The following SSH2 variants were observed in gnomAD, a reference collection of about 807,000 sequenced individuals.
SSH2 encodes slingshot protein phosphatase 2.
Under a neutral mutation model 135.2 loss-of-function variants are expected in SSH2, and 37 were observed. That is an observed-to-expected ratio of 0.27 (90% CI 0.21 to 0.36). SSH2 has a LOEUF of 0.36. Among genes scored for constraint, SSH2 ranks in the 10% least tolerant of loss-of-function variants. The pLI is 1.00. For synonymous variants in SSH2, 628 were observed against 646.2 expected, an observed-to-expected ratio of 0.97 and a Z score of 0.43; for missense variants, 1,408 against 1,765.3, an observed-to-expected ratio of 0.80 and a Z score of 3.63.
intron 1 of SSH2, among the ~76,000 whole-genome samples, chr17:29,909,050 C>T (rs2066715198): frequency 6.6e-6 from 1 of 151,796 alleles, no homozygotes; most frequent in African/African-American, 2.4e-5. Flanking sequence ...GCACTCCAGC[C>T]TGGGTGACAG....
intron 3 of SSH2, among the ~76,000 whole-genome samples, chr17:29,705,630 TC>T (rs2039167494): frequency 6.6e-6 from 1 of 152,122 alleles, no homozygotes; most frequent in Admixed American, 6.6e-5. Flanking sequence ...AAAAAACCAG[TC>T]TTTAGCTTGG....
At chr17:29,814,231 C>T (rs1274469244) in intron 2 of SSH2, among the ~76,000 whole-genome samples, 11 of 145,558 alleles carry the variant, frequency 7.6e-5, no homozygotes, top group Non-Finnish European at 1.2e-4. Flanking sequence ...GTCAGGAGTT[C>T]GAGACCGTCC....
At chr17:29,761,878 TATA>T (rs1233048382) in intron 3 of SSH2, among the ~76,000 whole-genome samples, 21 of 139,212 alleles carry the variant, frequency 1.5e-4, no homozygotes, top group African/African-American at 3.2e-4. Context: ...TGTGTATATA[TATA>T]TATATATTTT....
At chr17:29,651,541 T>C (rs2036578347) in intron 12 of SSH2, among the ~76,000 whole-genome samples, 1 of 152,224 alleles carries the variant, frequency 6.6e-6, no homozygotes, top group Non-Finnish European at 1.5e-5. Context: ...TTGAGCTCCA[T>C]TTACCAAATA....
chr17:29,664,209 T>TA (rs961958673), intron 11 of SSH2, among the ~76,000 whole-genome samples: 1 of 152,028 alleles, frequency 6.6e-6, no homozygotes, highest in African/African-American at 2.4e-5. Flanking sequence ...CCGTCTCTAC[T>TA]AAAAACACAA....
At position 29,688,438 on chromosome 17, in the gene SSH2, T is replaced by C. The variant is rs116092821; in HGVS notation, c.358-3754A>G. 3.8e-3 allele frequency among the ~76,000 whole-genome samples: 578 copies of C among 152,306 alleles called. 4 individuals are homozygous for C. Among genetic ancestry groups the C allele is most frequent in the African/African-American group, 0.013 (539 of 41,564 alleles). On this transcript the variant is annotated intron_variant, in intron 5 of 15. Transcript: ENST00000540801. ...GGGCCCCAGACATTTAATACTGACT[T>C]AGGCTTGAATAACATGCATATCTCA... is the stretch of plus-strand genomic sequence containing the variant.
intron 1 of SSH2, chr17:29,929,175 G>A (rs934450206): frequency 6.6e-6 from 1 of 152,166 alleles, no homozygotes; most frequent in African/African-American, 2.4e-5. Flanking sequence ...TGCTTTATTG[G>A]CATAGGCATC....
At chr17:29,665,140 AAC>A (rs2037218894) in intron 11 of SSH2, among the ~76,000 whole-genome samples, 1 of 152,310 alleles carries the variant, frequency 6.6e-6, no homozygotes, top group East Asian at 1.9e-4. Context: ...TTCTATAGAT[AAC>A]ACAAAGATTC....
At chr17:29,820,378 C>G (rs1433394898) in intron 2 of SSH2, among the ~76,000 whole-genome samples, 2 of 152,220 alleles carry the variant, frequency 1.3e-5, no homozygotes, top group African/African-American at 4.8e-5. Context: ...ACCACAGGAA[C>G]ATGGGACATG....
chr17:29,754,511 T>C lies in SSH2; in HGVS notation c.188+39383A>G, dbSNP rs545572596. Reference sequence around the variant, plus strand: ...ATGTGCTTCTAGGAAGTCAAGTTCATATATGAACCAAGTAAATAAATAAAA... The same window carrying C: ...ATGTGCTTCTAGGAAGTCAAGTTCACATATGAACCAAGTAAATAAATAAAA... On this transcript the variant is annotated intron_variant, in intron 3 of 15. Coordinates refer to ENST00000540801, the MANE Select transcript of SSH2 (RefSeq NM_001282129.2). Among the ~76,000 whole-genome samples the C allele has an allele frequency of 3.3e-5, 5 of 152,278 alleles. No homozygotes were observed. The East Asian group carries it at 9.6e-4, about 29-fold the overall frequency.
intron 8 of SSH2, chr17:29,676,581 C>T: frequency 2.2e-6 from 1 of 457,032 alleles, no homozygotes; most frequent in Non-Finnish European, 4.0e-6. Context: ...TAAGTCTCTG[C>T]CAGAGCCTAA....
intron 1 of SSH2, 145 bp downstream of exon 1, chr17:29,929,793 G>C (rs541848058): frequency 1.9e-5 from 13 of 700,944 alleles, no homozygotes; most frequent in Admixed American, 7.7e-5. Flanking sequence ...CTTTAACATG[G>C]GGGTGTGGGG....
chr17:29,925,253 G>A (rs894940388), intron 1 of SSH2: 1 of 341,026 alleles, frequency 2.9e-6, no homozygotes, highest in Non-Finnish European at 5.2e-6. Context: ...TTTAACCCTG[G>A]ATCAATATAG....
At chr17:29,749,888 G>A (rs2040875259) in intron 3 of SSH2, among the ~76,000 whole-genome samples, 1 of 151,792 alleles carries the variant, frequency 6.6e-6, no homozygotes, top group Non-Finnish European at 1.5e-5. Flanking sequence ...CACCACGCCC[G>A]ATTAATTTTT....
chr17:29,898,510 A>G (rs1204373615), intron 1 of SSH2, among the ~76,000 whole-genome samples: 1 of 152,224 alleles, frequency 6.6e-6, no homozygotes, highest in African/African-American at 2.4e-5. Flanking sequence ...ACCTCTACGC[A>G]AATAAACTTG....
intron 1 of SSH2, among the ~76,000 whole-genome samples, chr17:29,917,879 T>A (rs1246905508): frequency 1.3e-5 from 2 of 151,736 alleles, no homozygotes; most frequent in African/African-American, 2.4e-5. Context: ...AAATAAATTT[T>A]AAAAATAGAC....
rs780981175 is a variant in SSH2 at position 29,709,015 on chromosome 17, T to TATAGAGAGAG, written c.189-5954_189-5953insCTCTCTCTAT. 2.6e-3 allele frequency among the ~76,000 whole-genome samples: 211 copies of TATAGAGAGAG among 81,578 alleles called. 2 individuals are homozygous for TATAGAGAGAG. The highest frequency in any genetic ancestry group is 9.1e-3 in the Middle Eastern group (1 of 110). The allele number at this position is 81,578 out of a possible 152,430, so 53.5% of individuals were successfully genotyped here. A position where few individuals can be genotyped will look rare whatever the true frequency, so the allele number is the denominator to read the frequency against. ...AGAAATATATATATATATATATATA[T>TATAGAGAGAG]AGAGAGAGAGAGAGAGAGAGAGAGA... On this transcript the variant is annotated intron_variant, in intron 3 of 15. Transcript: ENST00000540801.
chr17:29,743,801 A>AT (rs2040652218), intron 3 of SSH2, among the ~76,000 whole-genome samples: 1 of 152,052 alleles, frequency 6.6e-6, no homozygotes, highest in African/African-American at 2.4e-5. Context: ...TCATTTGGTT[A>AT]GAATCACTAA....
intron 2 of SSH2, among the ~76,000 whole-genome samples, chr17:29,839,829 G>C (rs936113186): frequency 6.6e-6 from 1 of 152,178 alleles, no homozygotes; most frequent in South Asian, 2.1e-4. Flanking sequence ...TCCAGCATAA[G>C]TTAAAGAGCA....
Sources: gnomAD v4.1 joint callset for allele counts (sites outside exome capture counted in the v4.1 genomes callset) on GRCh38, gnomAD v4.1.1 for gene constraint, MANE v1.5 for transcripts, NCBI Gene and HGNC (gene_info 2026-07-23, HGNC 2026-07-21) for gene names.